KDM4B: variants seen among roughly 807,000 people sequenced by gnomAD.
The protein encoded by KDM4B is lysine-specific demethylase 4B.
KDM4B carries 32 observed loss-of-function variants against 125.2 expected under a neutral mutation model. That is an observed-to-expected ratio of 0.26 (90% CI 0.19 to 0.34). The LOEUF (loss-of-function observed/expected upper bound fraction) is 0.34, where lower values mean the gene tolerates loss of function less well. Ranked by LOEUF, KDM4B falls within the 10% of genes least tolerant of loss-of-function variation. The probability of loss-of-function intolerance (pLI) is 1.00; values close to 1 mark genes in which losing one functional copy is unlikely to be tolerated. For synonymous variants in KDM4B, 721 were observed against 677.9 expected, an observed-to-expected ratio of 1.06 and a Z score of -0.99; for missense variants, 1,190 against 1,577.7, an observed-to-expected ratio of 0.75 and a Z score of 4.16.
chr19:5,082,517 C>T lies in KDM4B; in HGVS notation c.918+13C>T, dbSNP rs1332235436. The T allele has an allele frequency of 1.3e-6, 2 of 1,581,026 alleles. No homozygotes were observed. Among genetic ancestry groups the T allele is most frequent in the Non-Finnish European group, 1.7e-6 (2 of 1,163,694 alleles). On this transcript the variant is annotated intron_variant, in intron 9 of 22. Coordinates refer to ENST00000159111, the MANE Select transcript of KDM4B (RefSeq NM_015015.3). This position sits in a 1 kb window ranked among gnomAD's most constrained non-coding sequence, Gnocchi z 5.4. Reference sequence around the variant, plus strand: ...AGTGGCCACTCAGGTAAAAGCTTGCCTGCTGGGAACGGGTCCCAGCAGGGC... The same window carrying T: ...AGTGGCCACTCAGGTAAAAGCTTGCTTGCTGGGAACGGGTCCCAGCAGGGC...
intron 1 of KDM4B, among the ~76,000 whole-genome samples, chr19:5,006,510 T>C (rs563742667): frequency 2.7e-4 from 41 of 152,250 alleles, no homozygotes; most frequent in African/African-American, 9.9e-4. Flanking sequence ...CAGTGGCTCA[T>C]GGCTGTAATC....
intron 2 of KDM4B, among the ~76,000 whole-genome samples, chr19:5,019,536 G>A (rs917050311): frequency 4.0e-5 from 6 of 149,256 alleles, no homozygotes; most frequent in African/African-American, 1.2e-4. Context: ...ACGTATTGGT[G>A]TGCAGGTGTT....
At chr19:4,985,962 G>A (rs992767779) in intron 1 of KDM4B, among the ~76,000 whole-genome samples, 4 of 152,216 alleles carry the variant, frequency 2.6e-5, no homozygotes, top group African/African-American at 9.6e-5. Flanking sequence ...CTCGCTGTCT[G>A]GGCCTGAAAC....
chr19:4,987,773 AG>A (rs1466551657), intron 1 of KDM4B, among the ~76,000 whole-genome samples: 1 of 152,136 alleles, frequency 6.6e-6, no homozygotes, highest in Non-Finnish European at 1.5e-5. Context: ...GAGTGAAAGC[AG>A]GGGACCTGTC....
At chr19:5,129,716 T>A (rs1208336911) in intron 11 of KDM4B, among the ~76,000 whole-genome samples, 1 of 152,132 alleles carries the variant, frequency 6.6e-6, no homozygotes, top group Non-Finnish European at 1.5e-5. Flanking sequence ...TTCCAGAATG[T>A]CCCAAGAGCC....
chr19:5,103,898 G>A (rs1014582637), intron 9 of KDM4B, among the ~76,000 whole-genome samples: 5 of 152,326 alleles, frequency 3.3e-5, no homozygotes, highest in South Asian at 2.1e-4. Flanking sequence ...GATGGGGCAC[G>A]GGGGTGCACG....
At chr19:5,036,315 G>A (rs946431488) in intron 3 of KDM4B, among the ~76,000 whole-genome samples, 2 of 152,260 alleles carry the variant, frequency 1.3e-5, no homozygotes, top group Non-Finnish European at 2.9e-5. Context: ...CTGCAGGCCC[G>A]ATGGAGCTCG....
intron 18 of KDM4B, among the ~76,000 whole-genome samples, 171 bp from the exon 19 acceptor site, chr19:5,143,796 C>A (rs1030005823): frequency 1.3e-5 from 2 of 152,154 alleles, no homozygotes; most frequent in Non-Finnish European, 2.9e-5. Flanking sequence ...GAGGGCTTGG[C>A]CAGGGAGGCT....
rs376827867 is a variant in KDM4B, at chr19:5,035,863, C to CTGTGTGTGTGTGTGTGTGTGTGTGTGTG, written c.141+2850_141+2851insTGTGTGTGTGTGTGTGTGTGTGTGTGTG. ...GGAGGGGCTGTGTGTGCACGTGTCT[C>CTGTGTGTGTGTGTGTGTGTGTGTGTGTG]TGTGTGTGTGTGTGTGTGCGCGCGC... On this transcript the variant is annotated intron_variant, in intron 3 of 22. Transcript: ENST00000159111. This position sits in a 1 kb window ranked among gnomAD's most constrained non-coding sequence, Gnocchi z 5.3. Among the ~76,000 whole-genome samples, 23 of 142,286 alleles carry CTGTGTGTGTGTGTGTGTGTGTGTGTGTG rather than the reference C, an allele frequency of 1.6e-4. No homozygotes were observed. Among genetic ancestry groups the CTGTGTGTGTGTGTGTGTGTGTGTGTGTG allele is most frequent in the African/African-American group, 6.0e-4 (23 of 38,540 alleles). The allele number at this position is 142,286 out of a possible 152,430, so 93.3% of individuals were successfully genotyped here.
chr19:5,066,656 C>T (rs1220750055), intron 6 of KDM4B, among the ~76,000 whole-genome samples: 3 of 152,246 alleles, frequency 2.0e-5, no homozygotes, highest in Non-Finnish European at 2.9e-5. Context: ...TCTTGACCTC[C>T]TGGTCACCAC....
At chr19:5,139,838 A>G (rs750232288) in intron 18 of KDM4B, among the ~76,000 whole-genome samples, 16 of 152,310 alleles carry the variant, frequency 1.1e-4, no homozygotes, top group Non-Finnish European at 1.3e-4. Flanking sequence ...CCCCCCGTAG[A>G]TGCGCGCAGC....
chr19:5,147,884 C>T (rs2039879669), intron 21 of KDM4B, among the ~76,000 whole-genome samples: 1 of 152,162 alleles, frequency 6.6e-6, no homozygotes. Flanking sequence ...GGCAGGACCT[C>T]GATCACACAA....
chr19:5,002,524 A>C (rs1300031880), intron 1 of KDM4B, among the ~76,000 whole-genome samples: 2 of 92,012 alleles, frequency 2.2e-5, no homozygotes, highest in Non-Finnish European at 4.6e-5. Context: ...CTTTTTCTTT[A>C]TTCTCTTTCT....
chr19:5,096,415 C>T lies in KDM4B; in HGVS notation c.918+13911C>T, dbSNP rs150276861. Reference sequence around the variant, plus strand: ...GTGGGGAATATTCACAACCCTACCCCATCCGGACTCCTGGCAGCATGGAGT... The same window carrying T: ...GTGGGGAATATTCACAACCCTACCCTATCCGGACTCCTGGCAGCATGGAGT... On this transcript the variant is annotated intron_variant, in intron 9 of 22. Transcript: ENST00000159111. Among the ~76,000 whole-genome samples, 54 of 152,302 alleles carry T rather than the reference C, an allele frequency of 3.5e-4. 1 individual carries two copies. The highest frequency in any genetic ancestry group is 1.3e-3 in the African/African-American group (53 of 41,560).
intron 13 of KDM4B, 108 bp from the exon 14 acceptor site, chr19:5,133,775 A>G: frequency 8.6e-7 from 1 of 1,157,708 alleles, no homozygotes; most frequent in Non-Finnish European, 1.2e-6. Context: ...CCCTGTGGGC[A>G]GCCAGGGCTG....
intron 7 of KDM4B, among the ~76,000 whole-genome samples, chr19:5,071,507 G>A (rs909020969): frequency 9.9e-5 from 15 of 152,220 alleles, no homozygotes; most frequent in African/African-American, 3.4e-4. Context: ...GCCGCACGGC[G>A]TTTGCCCTTG....
intron 21 of KDM4B, among the ~76,000 whole-genome samples, chr19:5,147,962 G>A (rs1303427230): frequency 1.3e-5 from 2 of 152,130 alleles, no homozygotes; most frequent in African/African-American, 4.8e-5. Flanking sequence ...GAGGCCAAGG[G>A]CCTGGTCAGC....
chr19:5,045,227 G>A (rs2036987876), intron 5 of KDM4B, among the ~76,000 whole-genome samples: 2 of 152,332 alleles, frequency 1.3e-5, no homozygotes, highest in Non-Finnish European at 1.5e-5. Context: ...TCGGTGTTGT[G>A]CATCCTGGCC....
At chr19:4,996,893 T>C (rs985548154) in intron 1 of KDM4B, among the ~76,000 whole-genome samples, 3 of 152,224 alleles carry the variant, frequency 2.0e-5, no homozygotes, top group Non-Finnish European at 2.9e-5. Flanking sequence ...TCCTGGGCCC[T>C]GCAGGGTGCT....
Sources: gnomAD v4.1 joint callset for allele counts (sites outside exome capture counted in the v4.1 genomes callset) on GRCh38, gnomAD v4.1.1 for gene constraint, Gnocchi (gnomAD v3.1) non-coding constraint, MANE v1.5 for transcripts, NCBI Gene and HGNC (gene_info 2026-07-23, HGNC 2026-07-21) for gene names.